ASRGL1: variants seen among roughly 807,000 people sequenced by gnomAD.
The protein encoded by ASRGL1 is asparaginase and isoaspartyl peptidase 1.
In ASRGL1, 16 loss-of-function variants were observed where a neutral mutation model predicts 22.4. The ratio of observed to expected loss-of-function variants is 0.71; its 90% CI spans 0.48 to 1.08. The LOEUF is 1.08. Ranked by LOEUF, ASRGL1 falls within the 50% of genes least tolerant of loss-of-function variation. The pLI, the probability that ASRGL1 is intolerant of heterozygous loss-of-function variation, is 0.00. For missense variants in ASRGL1, 412 were observed against 410.1 expected (o/e 1.00, Z -0.04); for synonymous variants, 165 against 159.3 (o/e 1.04, Z -0.27).
At chr11:62,372,024 G>T in intron 4 of ASRGL1, 2 of 729,936 alleles carry the variant, frequency 2.7e-6, no homozygotes, top group Admixed American at 2.0e-5. Context: ...AATTTGTGGG[G>T]ACCCCATAGG....
At position 62,377,111 on chromosome 11, in the gene ASRGL1, A is replaced by G. The variant is rs2134672740; in HGVS notation, c.492-12022A>G. ...TTTGCCTGTTTCCATGTGACGTCAA[A>G]TTTGTTTTTTAATCCTGCTGCATTT... On this transcript the variant is annotated intron_variant, in intron 4 of 6. Transcript: ENST00000415229. 2.0e-5 allele frequency among the ~76,000 whole-genome samples: 3 copies of G among 152,286 alleles called. 1 individual carries two copies. The South Asian group carries it at 6.2e-4, about 32-fold the overall frequency.
In ASRGL1 at chr11:62,357,126, A is replaced by G. The variant is rs775950913; in HGVS notation, c.473A>G (p.Gln158Arg). 1.9e-6 allele frequency: 3 copies of G among 1,613,454 alleles called. No individual in the cohort carries two copies. The highest frequency in any genetic ancestry group is 2.5e-6 in the Non-Finnish European group (3 of 1,179,856). The change falls in exon 4 of 7, where the codon CAG becomes CGG. Residue 158 changes from glutamine (Q) to arginine (R), a missense_variant. Transcript: ENST00000415229. Reference protein sequence around the residue: ...LEKEKHEKGAQKTDCQKNLGT... With the variant: ...LEKEKHEKGARKTDCQKNLGT... ...AAAGAGAAGCATGAAAAAGGTGCTC[A>G]GAAAACAGATTGTCAAAAGTAAGTC... is the stretch of plus-strand genomic sequence containing the variant.
intron 4 of ASRGL1, among the ~76,000 whole-genome samples, chr11:62,370,804 T>G (rs904762249): frequency 1.3e-5 from 2 of 152,176 alleles, no homozygotes; most frequent in African/African-American, 4.8e-5. Flanking sequence ...TTTTGATCCT[T>G]TGGGAATTTC....
chr11:62,384,915 CAAAA>C (rs375953895), intron 4 of ASRGL1, among the ~76,000 whole-genome samples: 12 of 111,066 alleles, frequency 1.1e-4, no homozygotes, highest in Non-Finnish European at 1.6e-4. Flanking sequence ...AAGACTGTCT[CAAAA>C]AAAAAAAAAA....
intron 4 of ASRGL1, chr11:62,382,269 A>C (rs1241611876): frequency 6.6e-5 from 10 of 152,130 alleles, no homozygotes; most frequent in Admixed American, 5.2e-4. Context: ...GAGGACCCCC[A>C]CCGGCAACAG....
At chr11:62,375,767 G>A (rs1946910323) in intron 4 of ASRGL1, among the ~76,000 whole-genome samples, 1 of 151,742 alleles carries the variant, frequency 6.6e-6, no homozygotes. Context: ...ATAATTAGCT[G>A]CAGCTGCTCC....
the ASRGL1 span, among the ~76,000 whole-genome samples, chr11:62,398,539 G>A: frequency 6.6e-6 from 1 of 152,140 alleles, no homozygotes; most frequent in African/African-American, 2.4e-5. Flanking sequence ...GATCCCCGGG[G>A]GCTCGAACCC....
intron 2 of ASRGL1, among the ~76,000 whole-genome samples, chr11:62,343,349 G>C (rs1194329912): frequency 7.2e-6 from 1 of 139,026 alleles, no homozygotes; most frequent in Non-Finnish European, 1.5e-5. Flanking sequence ...CTGCACTCCA[G>C]CCTGGGTGAC....
intron 4 of ASRGL1, among the ~76,000 whole-genome samples, chr11:62,358,371 GAAAAAAAAA>G (rs34743439): frequency 3.6e-5 from 4 of 111,844 alleles, no homozygotes; most frequent in East Asian, 2.6e-4. Flanking sequence ...CTCCGTCTCA[GAAAAAAAAA>G]AAAAAAAAAA....
At chr11:62,377,045 G>C (rs1340479001) in intron 4 of ASRGL1, among the ~76,000 whole-genome samples, 1 of 152,212 alleles carries the variant, frequency 6.6e-6, no homozygotes, top group Non-Finnish European at 1.5e-5. Context: ...TGAGTGGGCA[G>C]GTGTAGGACT....
At chr11:62,343,918 C>CTTTTTTTTTTT (rs34446979) in intron 2 of ASRGL1, among the ~76,000 whole-genome samples, 18 of 100,646 alleles carry the variant, frequency 1.8e-4, no homozygotes, top group East Asian at 3.0e-4. Context: ...TCATGCATTT[C>CTTTTTTTTTTT]TTTTTTTTTT....
chr11:62,355,941 A>G (rs1946280347), intron 2 of ASRGL1, among the ~76,000 whole-genome samples: 1 of 152,184 alleles, frequency 6.6e-6, no homozygotes, highest in Admixed American at 6.5e-5. Context: ...GTTGGGGGTA[A>G]GGTCACAGAT....
intron 2 of ASRGL1, among the ~76,000 whole-genome samples, chr11:62,339,245 A>G (rs534605519): frequency 1.2e-4 from 18 of 152,322 alleles, no homozygotes; most frequent in Non-Finnish European, 2.4e-4. Flanking sequence ...GCTATCTGTC[A>G]TGTGATGTCA....
intron 2 of ASRGL1, among the ~76,000 whole-genome samples, chr11:62,349,245 G>C (rs549313578): frequency 6.6e-6 from 1 of 152,322 alleles, no homozygotes; most frequent in Non-Finnish European, 1.5e-5. Context: ...GGGATTACCG[G>C]CATGAGCCAC....
At chr11:62,362,699 ATTATAT>A (rs1189396015) in intron 4 of ASRGL1, among the ~76,000 whole-genome samples, 5 of 86,020 alleles carry the variant, frequency 5.8e-5, no homozygotes, top group African/African-American at 1.4e-4. Context: ...TATATTATAT[ATTATAT>A]AAAATATATT....
chr11:62,392,083 G>A lies in ASRGL1; in HGVS notation c.726G>A (p.Lys242=). The change falls in exon 7 of 7, where the codon AAG becomes AAA. Residue 242 remains lysine, a synonymous_variant. Transcript: ENST00000415229. ...TCAACCCTTCCTTGTTTTCAGGAAAGACGGTAGAAGAGGCTGCGGACCTAT... is the reference window on the plus strand; with the variant it reads ...TCAACCCTTCCTTGTTTTCAGGAAAAACGGTAGAAGAGGCTGCGGACCTAT... The part of the protein sequence containing the change: ...RLTLFHIEQG[K]TVEEAADLSL... 6.2e-7 allele frequency: 1 copy of A among 1,614,198 alleles called. No homozygotes were observed. The highest frequency in any genetic ancestry group is 1.1e-5 in the South Asian group (1 of 91,080).
intron 4 of ASRGL1, among the ~76,000 whole-genome samples, chr11:62,378,078 A>G (rs940712437): frequency 6.6e-6 from 1 of 152,202 alleles, no homozygotes; most frequent in Non-Finnish European, 1.5e-5. Context: ...TTGACGTGAC[A>G]TAAGTAGGAA....
chr11:62,399,534 C>A, the ASRGL1 span, among the ~76,000 whole-genome samples: 1 of 152,360 alleles, frequency 6.6e-6, no homozygotes, highest in African/African-American at 2.4e-5. Flanking sequence ...AGGGTACCAA[C>A]ACTGCTCCTG....
chr11:62,392,258 G>A lies in ASRGL1; in HGVS notation c.901G>A (p.Asp301Asn), dbSNP rs748211190. ...GKLHFGIDPD[D>N]TTITDLP ...GCTGCACTTCGGAATTGATCCTGAC[G>A]ATACTACTATCACCGACCTTCCCTA... Residue 301 changes from aspartate to asparagine, a missense_variant, in exon 7 of 7, where the codon GAT becomes AAT. Physicochemically the swap from Asp to Asn is conservative, Grantham distance 23 (BLOSUM62 1). Coordinates refer to ENST00000415229, the MANE Select transcript of ASRGL1 (RefSeq NM_001083926.2). 1.4e-5 allele frequency: 23 copies of A among 1,613,996 alleles called. No homozygotes were observed. Among genetic ancestry groups the A allele is most frequent in the East Asian group, 1.3e-4 (6 of 44,888 alleles).
Sources: gnomAD v4.1 joint callset for allele counts (sites outside exome capture counted in the v4.1 genomes callset) on GRCh38, gnomAD v4.1.1 for gene constraint, MANE v1.5 for transcripts, NCBI Gene and HGNC (gene_info 2026-07-23, HGNC 2026-07-21) for gene names.